ADGRE1: variants seen among roughly 807,000 people sequenced by gnomAD.
ADGRE1 encodes EGF-like module receptor 1.
ADGRE1 carries 82 observed loss-of-function variants against 102.7 expected under a neutral mutation model. That is an observed-to-expected ratio of 0.80 (90% confidence interval 0.67 to 0.96). ADGRE1 has a LOEUF of 0.96. Among genes scored for constraint, ADGRE1 ranks in the 40% least tolerant of loss-of-function variants. The probability of loss-of-function intolerance (pLI) is 0.00; values close to 1 mark genes in which losing one functional copy is unlikely to be tolerated. For synonymous variants in ADGRE1, 398 were observed against 399.6 expected (o/e 1.00, Z 0.05); for missense variants, 1,032 against 1,085.3 (o/e 0.95, Z 0.69).
chr19:6,889,290 T>C (rs1973263516), intron 1 of ADGRE1, among the ~76,000 whole-genome samples: 1 of 151,762 alleles, frequency 6.6e-6, no homozygotes, highest in African/African-American at 2.4e-5. Context: ...ATGATGATGA[T>C]GATGGTGATG....
rs10420766 is a variant in ADGRE1, at chr19:6,927,069, T to C, written c.2222+468T>C. Among the ~76,000 whole-genome samples, 43 of 150,690 alleles carry C rather than the reference T, an allele frequency of 2.9e-4. 1 individual carries two copies. The highest frequency in any genetic ancestry group is 1.3e-3 in the Admixed American group (19 of 15,108). On this transcript the variant is annotated intron_variant, in intron 16 of 20. Coordinates refer to ENST00000312053, the MANE Select transcript of ADGRE1 (RefSeq NM_001974.5). ...AGCGAGACTTCATCTCAGAAAAAAG[T>C]GGGGGGAATATTGGGGTGCTGTTAT... is the stretch of plus-strand genomic sequence containing the variant.
At chr19:6,892,779 C>T (rs1435666699) in intron 2 of ADGRE1, among the ~76,000 whole-genome samples, 1 of 152,194 alleles carries the variant, frequency 6.6e-6, no homozygotes. Flanking sequence ...GCTATTCGGC[C>T]ATAAAAAGAA....
Position 6,890,542 on chromosome 19 carries a change from G to A in ADGRE1, c.93G>A (p.Lys31=). Residue 31 remains lysine (K), a splice_region_variant and synonymous_variant, in exon 2 of 21, where the codon AAG becomes AAA. Coordinates refer to ENST00000312053, the MANE Select transcript of ADGRE1 (RefSeq NM_001974.5). ...HIRPTRKPNT[K]GNNCRDSTLC... ...GACCCACACGGAAACCAAACACAAA[G>A]GGTAAGTTGGCCAGAGAGAATGCAG... 1 of 1,609,576 alleles carries A rather than the reference G, an allele frequency of 6.2e-7. No individual in the cohort carries two copies. The highest frequency in any genetic ancestry group is 1.7e-4 in the Middle Eastern group (1 of 6,040).
chr19:6,916,448 A>T, intron 12 of ADGRE1, 80 bp downstream of exon 12: 1 of 1,524,440 alleles, frequency 6.6e-7, no homozygotes, highest in Non-Finnish European at 8.8e-7. Context: ...AGGTGCCAAG[A>T]CCAGTGCCAG....
At chr19:6,935,201 A>G in intron 18 of ADGRE1, 123 bp downstream of exon 18, 1 of 546,116 alleles carries the variant, frequency 1.8e-6, no homozygotes, top group Middle Eastern at 3.0e-4. Context: ...AGGTCTGTTT[A>G]GCATATCACA....
At chr19:6,901,045 G>C (rs1035164674) in intron 5 of ADGRE1, among the ~76,000 whole-genome samples, 2 of 152,164 alleles carry the variant, frequency 1.3e-5, no homozygotes, top group Non-Finnish European at 2.9e-5. Context: ...CCATGGTTGG[G>C]AATGGATCAC....
chr19:6,910,950 A>G (rs372151299), intron 10 of ADGRE1, among the ~76,000 whole-genome samples: 34 of 152,264 alleles, frequency 2.2e-4, no homozygotes, highest in Middle Eastern at 3.4e-3. Context: ...AAATCCTACT[A>G]AGGATGTTTA....
chr19:6,931,458 C>G (rs1050608729), intron 17 of ADGRE1, among the ~76,000 whole-genome samples: 1 of 152,126 alleles, frequency 6.6e-6, no homozygotes, highest in Non-Finnish European at 1.5e-5. Context: ...CATGACAACA[C>G]GAGGGAGGGT....
At position 6,940,381 on chromosome 19, in the gene ADGRE1, G is replaced by A. The variant is rs1347725635; in HGVS notation, c.*352G>A. On this transcript the variant is annotated 3_prime_UTR_variant, in exon 21 of 21. Transcript: ENST00000312053. ...ATGGTTCTAAGCATGCCCCTCCAGA[G>A]CCTATCATACGCCTGATACAGAGAA... The A allele has an allele frequency of 1.6e-5, 5 of 314,780 alleles. No individual in the cohort carries two copies. The highest frequency in any genetic ancestry group is 3.0e-5 in the Non-Finnish European group (5 of 169,016). 19.5% of individuals were successfully genotyped at this position (314,780 alleles called of 1,614,324 possible). A position where few individuals can be genotyped will look rare whatever the true frequency, so the allele number is the denominator to read the frequency against.
chr19:6,899,417 G>A lies in ADGRE1; in HGVS notation c.514+1870G>A, dbSNP rs577452786. ...TTCTGGGCTGGGCGCGGTGGCTCAC[G>A]CCTGTAATACCAGCACTTTGGGAGG... On this transcript the variant is annotated intron_variant, in intron 5 of 20. Transcript: ENST00000312053. Among the ~76,000 whole-genome samples the A allele has an allele frequency of 9.2e-5, 14 of 152,254 alleles. No individual in the cohort carries two copies. The South Asian group carries it at 1.7e-3, about 18-fold the overall frequency.
intron 9 of ADGRE1, among the ~76,000 whole-genome samples, chr19:6,907,839 T>C (rs1836969341): frequency 6.6e-6 from 1 of 152,254 alleles, no homozygotes; most frequent in Non-Finnish European, 1.5e-5. Context: ...TTTCATGCTG[T>C]AGTACATATC....
At chr19:6,893,929 C>T (rs2144885183) in intron 2 of ADGRE1, among the ~76,000 whole-genome samples, 2 of 152,316 alleles carry the variant, frequency 1.3e-5, no homozygotes, top group South Asian at 4.1e-4. Context: ...TATCTAGGGT[C>T]AACCATGTTT....
At chr19:6,896,781 T>G (rs1973570793) in intron 3 of ADGRE1, 2 of 526,814 alleles carry the variant, frequency 3.8e-6, no homozygotes, top group Non-Finnish European at 6.6e-6. Flanking sequence ...TCTTCCTTCC[T>G]TCCTTCCTTC....
At position 6,897,445 on chromosome 19, in the gene ADGRE1, A is replaced by G; in HGVS notation, c.412A>G (p.Thr138Ala). The G allele has an allele frequency of 6.3e-7, 1 of 1,596,530 alleles. No homozygotes were observed. The highest frequency in any genetic ancestry group is 8.5e-7 in the Non-Finnish European group (1 of 1,171,490). ...CTTCTCAGATATCAATGAGTGCCTC[A>G]CCAGCAGCGTCTGCCCTGAGCATTC... is the stretch of plus-strand genomic sequence containing the variant. ...FSCTDINECL[T>A]SSVCPEHSDC... The change falls in exon 5 of 21, where the codon ACC becomes GCC. Residue 138 changes from threonine to alanine, a missense_variant. Thr to Ala is a moderately conservative substitution (Grantham distance 58). Transcript: ENST00000312053.
chr19:6,939,439 A>T (rs1419880047), intron 20 of ADGRE1, among the ~76,000 whole-genome samples: 1 of 152,170 alleles, frequency 6.6e-6, no homozygotes, highest in African/African-American at 2.4e-5. Context: ...GAAGTCCAGA[A>T]TTAGGTGTTG....
At chr19:6,919,815 T>A in intron 13 of ADGRE1, 68 bp downstream of exon 13, 3 of 1,485,432 alleles carry the variant, frequency 2.0e-6, no homozygotes, top group Non-Finnish European at 2.8e-6. Context: ...TCGATTGCCT[T>A]AACTCTCATT....
chr19:6,890,080 T>TA (rs898388122), intron 1 of ADGRE1, among the ~76,000 whole-genome samples: 1 of 152,040 alleles, frequency 6.6e-6, no homozygotes, highest in African/African-American at 2.4e-5. Context: ...CCAGCTAATT[T>TA]AAAAAATTTT....
intron 17 of ADGRE1, among the ~76,000 whole-genome samples, chr19:6,931,810 A>G (rs1975165540): frequency 6.6e-6 from 1 of 152,064 alleles, no homozygotes; most frequent in Admixed American, 6.5e-5. Flanking sequence ...AAAAGAAAAA[A>G]AAAAAGGAAC....
At chr19:6,913,573 T>C in intron 10 of ADGRE1, 80 bp from the exon 11 acceptor site, 4 of 1,374,202 alleles carry the variant, frequency 2.9e-6, no homozygotes, top group Non-Finnish European at 3.9e-6. Flanking sequence ...TCCCAGCCTA[T>C]TCTTAATCAG....
Sources: gnomAD v4.1 joint callset for allele counts (sites outside exome capture counted in the v4.1 genomes callset) on GRCh38, gnomAD v4.1.1 for gene constraint, MANE v1.5 for transcripts, NCBI Gene and HGNC (gene_info 2026-07-23, HGNC 2026-07-21) for gene names.